Variants in IL1RAPL2 observed in about 807,000 individuals in gnomAD.
IL1RAPL2 encodes the protein interleukin 1 receptor accessory protein like 2.
In IL1RAPL2, 3 loss-of-function variants were observed where a neutral mutation model predicts 44.1. That is an observed-to-expected ratio of 0.07 (90% confidence interval 0.03 to 0.18). The LOEUF (loss-of-function observed/expected upper bound fraction) is 0.18, where lower values mean the gene tolerates loss of function less well. IL1RAPL2 is among the 10% of genes least tolerant of loss of function. The probability of loss-of-function intolerance (pLI) is 1.00; values close to 1 mark genes in which losing one functional copy is unlikely to be tolerated. For missense variants in IL1RAPL2, 391 were observed against 496.4 expected, an observed-to-expected ratio of 0.79 and a Z score of 2.02; for synonymous variants, 181 against 178.8, an observed-to-expected ratio of 1.01 and a Z score of -0.10.
intron 2 of IL1RAPL2, among the ~76,000 whole-genome samples, chrX:104,848,409 GTATATATATATATATA>G (rs35503754): frequency 0.012 from 781 of 64,815 alleles, 22 homozygotes; most frequent in African/African-American, 0.035. Flanking sequence ...ATTTTTATCT[GTATATATATATATATA>G]TATATATATA....
At chrX:105,066,708 G>A (rs183702939) in intron 2 of IL1RAPL2, among the ~76,000 whole-genome samples, 1 of 111,693 alleles carries the variant, frequency 9.0e-6, no homozygotes, top group African/African-American at 3.3e-5. Context: ...TATTTTAAGT[G>A]ACATTTATTA....
intron 2 of IL1RAPL2, among the ~76,000 whole-genome samples, chrX:104,718,987 T>G (rs1329177524): frequency 9.0e-6 from 1 of 111,721 alleles, no homozygotes; most frequent in African/African-American, 3.2e-5. Flanking sequence ...AAACACATAG[T>G]GGGTTGTAGT....
chrX:105,416,632 GCTA>G (rs1324634229), intron 5 of IL1RAPL2, among the ~76,000 whole-genome samples: 1 of 111,913 alleles, frequency 8.9e-6, no homozygotes, highest in Non-Finnish European at 1.9e-5. Flanking sequence ...TAATACTACT[GCTA>G]CTATTTTCTC....
At chrX:105,293,116 CAAAA>C (rs10566162) in intron 5 of IL1RAPL2, among the ~76,000 whole-genome samples, 1 of 50,830 alleles carries the variant, frequency 2.0e-5, no homozygotes, top group African/African-American at 5.8e-5. Flanking sequence ...CGACTCTGTC[CAAAA>C]AAAAAAAAAA....
chrX:105,465,271 G>A (rs1448246518), intron 5 of IL1RAPL2, among the ~76,000 whole-genome samples: 2 of 111,309 alleles, frequency 1.8e-5, no homozygotes, highest in African/African-American at 3.3e-5. Flanking sequence ...TTCCATCTTC[G>A]ACCTTGAAAG....
At chrX:104,930,390 T>C (rs943147249) in intron 2 of IL1RAPL2, among the ~76,000 whole-genome samples, 4 of 112,159 alleles carry the variant, frequency 3.6e-5, no homozygotes, top group African/African-American at 1.3e-4. Flanking sequence ...ACTTGAGAGC[T>C]ATTGGTTTTT....
intron 2 of IL1RAPL2, among the ~76,000 whole-genome samples, chrX:104,918,539 A>AG (rs911393940): frequency 4.5e-5 from 5 of 112,077 alleles, no homozygotes; most frequent in Admixed American, 9.5e-5. Flanking sequence ...TGCAGGGCAA[A>AG]GGGGGTTTGC....
At chrX:104,950,745 C>T (rs1313064429) in intron 2 of IL1RAPL2, among the ~76,000 whole-genome samples, 3 of 108,393 alleles carry the variant, frequency 2.8e-5, no homozygotes, top group Non-Finnish European at 3.8e-5. Context: ...GTCTCGCTGT[C>T]GCCCAGGCTG....
intron 2 of IL1RAPL2, among the ~76,000 whole-genome samples, chrX:104,676,586 T>G (rs1044971337): frequency 3.6e-5 from 4 of 111,494 alleles, no homozygotes; most frequent in Admixed American, 1.9e-4. Flanking sequence ...TCTTGGAGTT[T>G]ATCTTCTCGA....
chrX:104,948,611 A>C (rs1236885870), intron 2 of IL1RAPL2, among the ~76,000 whole-genome samples: 2 of 110,977 alleles, frequency 1.8e-5, no homozygotes, highest in African/African-American at 6.6e-5. Flanking sequence ...TAATTTCTTG[A>C]GAGTTTTTAG....
intron 2 of IL1RAPL2, among the ~76,000 whole-genome samples, chrX:105,013,607 C>T (rs763732392): frequency 5.1e-4 from 56 of 110,403 alleles, no homozygotes; most frequent in Non-Finnish European, 9.9e-4. Flanking sequence ...ACTAAAGAGG[C>T]TTCTGGAGAG....
At chrX:105,523,296 C>T (rs769528098) in intron 6 of IL1RAPL2, among the ~76,000 whole-genome samples, 4 of 111,533 alleles carry the variant, frequency 3.6e-5, no homozygotes, top group African/African-American at 9.7e-5. Context: ...CTGGTTCCAC[C>T]ATTTACTAGT....
At chrX:105,760,058 T>C (rs7066307) in intron 10 of IL1RAPL2, among the ~76,000 whole-genome samples, 12,801 of 111,190 alleles carry the variant, frequency 0.12, 1,812 homozygotes, top group African/African-American at 0.4. Context: ...ACGTGTCCAT[T>C]ATCCCCTTCA....
chrX:105,759,645 G>C (rs950269480), intron 10 of IL1RAPL2, among the ~76,000 whole-genome samples: 1 of 112,009 alleles, frequency 8.9e-6, no homozygotes, highest in Non-Finnish European at 1.9e-5. Context: ...TAATTTAAGG[G>C]AAAAAGTATA....
intron 2 of IL1RAPL2, among the ~76,000 whole-genome samples, chrX:104,789,997 G>A (rs1473187456): frequency 1.8e-5 from 2 of 112,213 alleles, no homozygotes; most frequent in Non-Finnish European, 3.8e-5. Flanking sequence ...ACCAGGAGGA[G>A]CTGTCCACAG....
At chrX:104,915,600 T>C (rs1292657502) in intron 2 of IL1RAPL2, among the ~76,000 whole-genome samples, 1 of 110,524 alleles carries the variant, frequency 9.0e-6, no homozygotes, top group Non-Finnish European at 1.9e-5. Context: ...ATTTTGGCTT[T>C]TGTTGCCATT....
chrX:105,562,512 A>ACAC (rs2036945660), intron 6 of IL1RAPL2, among the ~76,000 whole-genome samples: 4 of 91,599 alleles, frequency 4.4e-5, no homozygotes, highest in African/African-American at 1.2e-4. Flanking sequence ...ATTGAAAATA[A>ACAC]ACACACACAC....
intron 6 of IL1RAPL2, among the ~76,000 whole-genome samples, chrX:105,679,288 A>G (rs1355845799): frequency 8.9e-6 from 1 of 112,045 alleles, no homozygotes; most frequent in Non-Finnish European, 1.9e-5. Context: ...AACTAGCTCT[A>G]TGATTTAAAC....
chrX:105,614,613 A>G lies in IL1RAPL2; in HGVS notation c.773-102754A>G, dbSNP rs748948823. On this transcript the variant is annotated intron_variant, in intron 6 of 10. Coordinates refer to ENST00000372582, the MANE Select transcript of IL1RAPL2 (RefSeq NM_017416.2). ...GTCTCTTCAATAAATGATACTGGGA[A>G]ACATAAATGTTCATATGCAGAAGGA... 2.2e-3 allele frequency among the ~76,000 whole-genome samples: 249 copies of G among 111,716 alleles called. 1 individual carries two copies. Among genetic ancestry groups the G allele is most frequent in the African/African-American group, 7.9e-3 (242 of 30,788 alleles).
Sources: allele counts gnomAD v4.1 joint callset (sites outside exome capture counted in the v4.1 genomes callset), GRCh38; gene constraint gnomAD v4.1.1; transcripts MANE v1.5; gene names NCBI Gene and HGNC (gene_info 2026-07-23, HGNC 2026-07-21).